Variants in ZNF33B observed in about 807,000 individuals in gnomAD.
The protein encoded by ZNF33B is zinc finger protein 11b (KOX 2).
In ZNF33B, 29 loss-of-function variants were observed where a neutral mutation model predicts 45.8. The observed-to-expected ratio is 0.63, with a 90% CI of 0.47 to 0.86. The LOEUF (loss-of-function observed/expected upper bound fraction) is 0.86. Ranked by LOEUF, ZNF33B falls within the 40% of genes least tolerant of loss-of-function variation. The pLI, the probability that ZNF33B is intolerant of heterozygous loss-of-function variation, is 0.00. For synonymous variants in ZNF33B, 305 were observed against 307.8 expected (o/e 0.99, Z 0.10); for missense variants, 831 against 909.9 (o/e 0.91, Z 1.12).
At position 42,594,528 on chromosome 10, in the gene ZNF33B, T is replaced by A. The variant is rs750136439; in HGVS notation, c.422A>T (p.Gln141Leu). ...GAAACTCATTCCACGTGAGTCATAC[T>A]GACAGAACATTTTTCTGGAAGGAAA... Reference protein sequence around the residue: ...SSFPSRKMFCQYDSRGMSFNT... With the variant: ...SSFPSRKMFCLYDSRGMSFNT... Residue 141 changes from glutamine (Q) to leucine (L), a missense_variant, in exon 5 of 5, where the codon CAG (glutamine) becomes CTG (leucine). By Grantham distance (113) the Gln-to-Leu change is moderately radical. Transcript: ENST00000359467. 6.2e-7 allele frequency: 1 copy of A among 1,613,364 alleles called. No homozygotes were observed. Among genetic ancestry groups the A allele is most frequent in the East Asian group, 2.2e-5 (1 of 44,842 alleles).
chr10:42,576,097 G>C (rs904196766), intron 1 of ZNF33B, among the ~76,000 whole-genome samples: 1 of 150,602 alleles, frequency 6.6e-6, no homozygotes, highest in South Asian at 2.4e-4. Context: ...CACCATGTTG[G>C]CCAGGCTGGT....
At chr10:42,576,862 G>A (rs1013021715) in intron 1 of ZNF33B, among the ~76,000 whole-genome samples, 6 of 152,218 alleles carry the variant, frequency 3.9e-5, no homozygotes, top group Admixed American at 6.5e-5. Flanking sequence ...GCCGGGCGCC[G>A]TGGCTCATGC....
At chr10:42,577,644 T>C (rs2132011189) in intron 1 of ZNF33B, among the ~76,000 whole-genome samples, 1 of 152,272 alleles carries the variant, frequency 6.6e-6, no homozygotes, top group South Asian at 2.1e-4. Flanking sequence ...ATCAGGTGAA[T>C]TTGTCCTCCC....
downstream of ZNF33B, among the ~76,000 whole-genome samples, chr10:42,587,117 A>C (rs948470976): frequency 6.6e-6 from 1 of 152,132 alleles, no homozygotes; most frequent in Non-Finnish European, 1.5e-5. Flanking sequence ...CATGAGGTGG[A>C]GTTCTCATGA....
chr10:42,633,902 G>A (rs1839166676), intron 2 of ZNF33B, among the ~76,000 whole-genome samples: 2 of 151,236 alleles, frequency 1.3e-5, no homozygotes, highest in African/African-American at 4.9e-5. Flanking sequence ...CTGGGAGGCA[G>A]ACATTGCAGT....
downstream of ZNF33B, among the ~76,000 whole-genome samples, chr10:42,587,767 G>C (rs1836965387): frequency 6.6e-6 from 1 of 152,214 alleles, no homozygotes. Context: ...GAGCAGAAGA[G>C]TTACTTCCTC....
At chr10:42,584,693 G>GT (rs1289562089), downstream of ZNF33B, among the ~76,000 whole-genome samples, 1 of 152,200 alleles carries the variant, frequency 6.6e-6, no homozygotes, top group African/African-American at 2.4e-5. Flanking sequence ...GCTAAATTTT[G>GT]TATTTTTAGT....
chr10:42,586,350 C>T (rs1356516847), downstream of ZNF33B, among the ~76,000 whole-genome samples: 3 of 152,064 alleles, frequency 2.0e-5, no homozygotes, highest in Non-Finnish European at 2.9e-5. Flanking sequence ...GGGGTTTCAC[C>T]GTGTTAGCCA....
At chr10:42,605,692 G>T (rs1837812610) in intron 4 of ZNF33B, among the ~76,000 whole-genome samples, 1 of 152,004 alleles carries the variant, frequency 6.6e-6, no homozygotes, top group Non-Finnish European at 1.5e-5. Flanking sequence ...AGTAAAAAAG[G>T]CACACTTTTT....
intron 4 of ZNF33B, chr10:42,605,183 A>G (rs2132075984): frequency 6.6e-6 from 1 of 152,024 alleles, no homozygotes; most frequent in Admixed American, 6.6e-5. Flanking sequence ...CACATACACT[A>G]AAACTGGAAC....
downstream of ZNF33B, among the ~76,000 whole-genome samples, chr10:42,588,750 T>C (rs1836987570): frequency 6.6e-6 from 1 of 152,020 alleles, no homozygotes; most frequent in Non-Finnish European, 1.5e-5. Flanking sequence ...TGGGAGGATG[T>C]GAGGGGTTTG....
At chr10:42,621,787 G>C (rs1371358898) in intron 4 of ZNF33B, among the ~76,000 whole-genome samples, 3 of 151,858 alleles carry the variant, frequency 2.0e-5, no homozygotes, top group African/African-American at 7.2e-5. Flanking sequence ...CTTAACATCA[G>C]GAAGAAGACA....
chr10:42,633,363 G>A (rs1839139586), intron 2 of ZNF33B, among the ~76,000 whole-genome samples: 1 of 152,176 alleles, frequency 6.6e-6, no homozygotes, highest in South Asian at 2.1e-4. Context: ...GAGAGCCAAA[G>A]ATGAGATGTG....
At chr10:42,608,264 T>C (rs1391929067) in intron 4 of ZNF33B, among the ~76,000 whole-genome samples, 1 of 152,166 alleles carries the variant, frequency 6.6e-6, no homozygotes, top group East Asian at 1.9e-4. Flanking sequence ...TTGCAAACTG[T>C]AATAACCCAT....
chr10:42,584,002 G>A (rs1214460919), intron 1 of ZNF33B, among the ~76,000 whole-genome samples: 4 of 152,136 alleles, frequency 2.6e-5, no homozygotes, highest in Non-Finnish European at 4.4e-5. Context: ...TGTGCATTGC[G>A]CAAGCAGCTC....
intron 1 of ZNF33B, chr10:42,582,194 T>C (rs1307983567): frequency 2.0e-5 from 3 of 152,126 alleles, no homozygotes; most frequent in Non-Finnish European, 4.4e-5. Context: ...ATTATGACAG[T>C]CACAGTCTAT....
intron 1 of ZNF33B, among the ~76,000 whole-genome samples, chr10:42,579,180 T>C (rs1836789135): frequency 6.6e-6 from 1 of 152,216 alleles, no homozygotes; most frequent in African/African-American, 2.4e-5. Context: ...ATAACACCTT[T>C]ATCTTTTTTT....
chr10:42,592,863 T>G lies in ZNF33B; in HGVS notation c.2087A>C (p.Asn696Thr). The change falls in exon 5 of 5, where the codon AAT becomes ACT. Residue 696 changes from asparagine (N) to threonine (T), a missense_variant. Transcript: ENST00000359467. The part of the protein sequence containing the change: ...KHTGEKPYEC[N>T]ECGKSFSHKS... ...GTGACTGAAGGATTTCCCACATTCATTGCATTCATAGGGTTTCTCCCCCGT... is the reference window on the plus strand; with the variant it reads ...GTGACTGAAGGATTTCCCACATTCAGTGCATTCATAGGGTTTCTCCCCCGT... The G allele has an allele frequency of 3.7e-6, 6 of 1,614,078 alleles. No individual in the cohort carries two copies. Among genetic ancestry groups the G allele is most frequent in the Non-Finnish European group, 5.1e-6 (6 of 1,179,932 alleles).
intron 1 of ZNF33B, among the ~76,000 whole-genome samples, chr10:42,579,059 C>A (rs1836786575): frequency 6.6e-6 from 1 of 152,176 alleles, no homozygotes; most frequent in South Asian, 2.1e-4. Flanking sequence ...ATTGTCTCTG[C>A]ACGGGGGATG....
Sources: allele counts gnomAD v4.1 joint callset (sites outside exome capture counted in the v4.1 genomes callset), GRCh38; gene constraint gnomAD v4.1.1; transcripts MANE v1.5; gene names NCBI Gene and HGNC (gene_info 2026-07-23, HGNC 2026-07-21).